Variants in VKORC1 observed in about 807,000 individuals in gnomAD.
VKORC1 encodes phylloquinone epoxide reductase.
VKORC1 carries 12 observed loss-of-function variants against 14.8 expected under a neutral mutation model. That is an observed-to-expected ratio of 0.81 (90% CI 0.52 to 1.31). The LOEUF is 1.31. Among genes scored for constraint, VKORC1 ranks in the 50% most tolerant of loss-of-function variants. VKORC1 has a pLI of 0.00. For synonymous variants in VKORC1, 94 were observed against 92.5 expected (o/e 1.02, Z -0.09); for missense variants, 223 against 215.3 (o/e 1.04, Z -0.22).
intron 2 of VKORC1, 78 bp downstream of exon 2, chr16:31,093,234 T>G: frequency 7.1e-7 from 1 of 1,403,260 alleles, no homozygotes; most frequent in Middle Eastern, 2.5e-4. Flanking sequence ...TCACCAAGAT[T>G]GCATGGAGTG....
In VKORC1 at chr16:31,094,746, C is replaced by T. The variant is rs1300312437; in HGVS notation, c.-17G>A. The T allele has an allele frequency of 4.4e-6, 7 of 1,585,164 alleles. No homozygotes were observed. Among genetic ancestry groups the T allele is most frequent in the African/African-American group, 2.7e-5 (2 of 74,466 alleles). On this transcript the variant is annotated 5_prime_UTR_variant, in exon 1 of 3. Coordinates refer to ENST00000394975, the MANE Select transcript of VKORC1 (RefSeq NM_024006.6). ...GCTGCCCATTATCTCCAGGTTCCGC[C>T]CGAGGCGCCCGCGGAGAAAACCAGC...
intron 2 of VKORC1, among the ~76,000 whole-genome samples, 179 bp from the exon 3 acceptor site, chr16:31,091,521 T>A (rs761482777): frequency 6.6e-5 from 10 of 152,106 alleles, no homozygotes; most frequent in Non-Finnish European, 1.5e-4. Context: ...GAGGCCGAGG[T>A]GGGAAGACTG....
intron 1 of VKORC1, chr16:31,093,676 C>A: frequency 8.2e-5 from 25 of 304,446 alleles, no homozygotes; most frequent in Non-Finnish European, 1.1e-4. Context: ...CCCTGCTTTT[C>A]ATCTTAGACC....
chr16:31,092,269 C>T (rs1445874129), intron 2 of VKORC1, among the ~76,000 whole-genome samples: 2 of 145,570 alleles, frequency 1.4e-5, no homozygotes, highest in Non-Finnish European at 3.0e-5. Context: ...AGCCAGGTTA[C>T]AGTGAGCTAT....
intron 2 of VKORC1, among the ~76,000 whole-genome samples, chr16:31,092,411 A>C (rs1302148939): frequency 6.6e-6 from 1 of 151,884 alleles, no homozygotes; most frequent in Non-Finnish European, 1.5e-5. Flanking sequence ...AGGGAGGGAA[A>C]GTTCTGAGCA....
At position 31,091,242 on chromosome 16, in the gene VKORC1, G is replaced by A; in HGVS notation, c.384C>T (p.Leu128=). ...VYLAWILFFV[L]YDFCIVCITT... is the part of the protein sequence containing the mutation. The stretch of plus-strand genomic sequence containing the variant: ...TGATACAAACAATGCAGAAATCATA[G>A]AGCACGAAGAACAGGATCCAGGCCA... Residue 128 remains leucine, a synonymous_variant, in exon 3 of 3, where the codon CTC becomes CTT. Transcript: ENST00000394975. 1 of 1,614,196 alleles carries A rather than the reference G, an allele frequency of 6.2e-7. No individual in the cohort carries two copies.
Position 31,093,426 on chromosome 16 carries a change from C to T in VKORC1, c.174-5G>A. On this transcript the variant is annotated splice_region_variant and splice_polypyrimidine_tract_variant and intron_variant, in intron 1 of 2. Transcript: ENST00000394975. ...AGCCCGAAACCCCTGCCCCACCTGGCAGAGGGGTGGGGTGGGGTGGAACCA... is the reference window on the plus strand; with the variant it reads ...AGCCCGAAACCCCTGCCCCACCTGGTAGAGGGGTGGGGTGGGGTGGAACCA... 6.2e-7 allele frequency: 1 copy of T among 1,614,192 alleles called. No individual in the cohort carries two copies. The highest frequency in any genetic ancestry group is 8.5e-7 in the Non-Finnish European group (1 of 1,180,022).
intron 1 of VKORC1, chr16:31,094,304 G>C: frequency 6.2e-7 from 1 of 1,612,856 alleles, no homozygotes; most frequent in Non-Finnish European, 8.5e-7. Flanking sequence ...CCTGGTCACC[G>C]TTATTCCTTG....
intron 1 of VKORC1, 49 bp downstream of exon 1, chr16:31,094,508 T>C (rs751278687): frequency 4.3e-6 from 7 of 1,612,618 alleles, no homozygotes; most frequent in Non-Finnish European, 5.1e-6. Flanking sequence ...TCATCTGGCA[T>C]CCTGGCCGCC....
intron 2 of VKORC1, among the ~76,000 whole-genome samples, chr16:31,092,396 T>C (rs1225197731): frequency 6.6e-6 from 1 of 151,818 alleles, no homozygotes; most frequent in Non-Finnish European, 1.5e-5. Flanking sequence ...CTCTTGCCAT[T>C]GCCCAGGGAG....
At chr16:31,092,699 T>A (rs2057297278) in intron 2 of VKORC1, 1 of 1,243,244 alleles carries the variant, frequency 8.0e-7, no homozygotes, top group African/African-American at 1.6e-5. Context: ...AGACAAAAGA[T>A]AGCTCATGCT....
Position 31,094,560 on chromosome 16 carries a change from G to C in VKORC1, c.170C>G (p.Ser57Cys). ...CGCCTCCCACTCCCGTGCACACCTG[G>C]AGGAGAAGACGCGCGAACAGCTGAT... Reference protein sequence around the residue: ...TAISCSRVFSSRWGRGFGLVE... With the variant: ...TAISCSRVFSCRWGRGFGLVE... The change falls in exon 1 of 3, where the codon TCC becomes TGC. Residue 57 changes from serine to cysteine, a missense_variant. Ser to Cys is a moderately radical substitution (Grantham distance 112). Coordinates refer to ENST00000394975, the MANE Select transcript of VKORC1 (RefSeq NM_024006.6). 2 of 1,612,232 alleles carry C rather than the reference G, an allele frequency of 1.2e-6. No individual in the cohort carries two copies. The highest frequency in any genetic ancestry group is 1.7e-6 in the Non-Finnish European group (2 of 1,179,656).
Position 31,093,555 on chromosome 16 carries a change from AG to A in VKORC1, c.174-135del. The A allele has an allele frequency of 2.6e-6, 4 of 1,545,614 alleles. No homozygotes were observed. The South Asian group carries it at 4.8e-5, about 19-fold the overall frequency. ...TTCCCCGACCTCCCATCCTAGTCCA[AG>A]GGTCGATGATCTCCTGGCACCGGGC... On this transcript the variant is annotated intron_variant, in intron 1 of 2. Coordinates refer to ENST00000394975, the MANE Select transcript of VKORC1 (RefSeq NM_024006.6).
rs200133418 is a variant in VKORC1, at chr16:31,093,328, T to A, written c.267A>T (p.Thr89=). Residue 89 remains threonine, a synonymous_variant, in exon 2 of 3, where the codon ACA becomes ACT. Coordinates refer to ENST00000394975, the MANE Select transcript of VKORC1 (RefSeq NM_024006.6). ...GCCACTCACCTAACAATAGCTGTAG[T>A]GTGTAGAAGATGCAACCGAATATGC... The part of the protein sequence containing the change: ...SNSIFGCIFY[T]LQLLLGCLRT... 14 of 1,613,766 alleles carry A rather than the reference T, an allele frequency of 8.7e-6. No homozygotes were observed. In the East Asian group the frequency reaches 3.1e-4, roughly 36 times the overall value.
At chr16:31,093,631 C>T (rs968598542) in intron 1 of VKORC1, 1 of 1,341,482 alleles carries the variant, frequency 7.5e-7, no homozygotes, top group African/African-American at 1.5e-5. Flanking sequence ...CCTCCCCTCT[C>T]CCCAGACCAG....
At position 31,094,704 on chromosome 16, in the gene VKORC1, C is replaced by T. The variant is rs1028424472; in HGVS notation, c.26G>A (p.Gly9Asp). The T allele has an allele frequency of 7.5e-6, 12 of 1,608,034 alleles. No individual in the cohort carries two copies. The highest frequency in any genetic ancestry group is 1.3e-5 in the African/African-American group (1 of 75,028). The change falls in exon 1 of 3, where the codon GGC becomes GAC. Residue 9 changes from glycine to aspartate, a missense_variant. Coordinates refer to ENST00000394975, the MANE Select transcript of VKORC1 (RefSeq NM_024006.6). MGSTWGSP[G>D]WVRLALCLTG... ...CAGGCAAAGAGCGAGCCGCACCCAG[C>T]CAGGGCTCCCCCAGGTGCTGCCCAT...
chr16:31,091,486 T>C, intron 2 of VKORC1, 144 bp from the exon 3 acceptor site: 1 of 1,490,202 alleles, frequency 6.7e-7, no homozygotes, highest in Non-Finnish European at 9.0e-7. Context: ...TGTGGTGGCT[T>C]ACGCACGTAT....
At position 31,094,563 on chromosome 16, in the gene VKORC1, G is replaced by A; in HGVS notation, c.167C>T (p.Ser56Phe). The A allele has an allele frequency of 6.2e-7, 1 of 1,612,062 alleles. No homozygotes were observed. Among genetic ancestry groups the A allele is most frequent in the Non-Finnish European group, 8.5e-7 (1 of 1,179,612 alleles). ...GTAISCSRVFSSRWGRGFGLV... is the reference protein window; with the variant it reads ...GTAISCSRVFFSRWGRGFGLV... ...CTCCCACTCCCGTGCACACCTGGAG[G>A]AGAAGACGCGCGAACAGCTGATGGC... The change falls in exon 1 of 3, where the codon TCC becomes TTC. Residue 56 changes from serine (S) to phenylalanine (F), a missense_variant. Transcript: ENST00000394975.
intron 2 of VKORC1, chr16:31,092,902 C>T (rs1486702316): frequency 3.5e-6 from 2 of 571,602 alleles, no homozygotes; most frequent in Non-Finnish European, 5.4e-6. Flanking sequence ...ATTAGCTGGG[C>T]ATAGTGGTGC....
Sources: allele counts gnomAD v4.1 joint callset (sites outside exome capture counted in the v4.1 genomes callset), GRCh38; gene constraint gnomAD v4.1.1; transcripts MANE v1.5; gene names NCBI Gene and HGNC (gene_info 2026-07-23, HGNC 2026-07-21).